DNAH7: variants seen among roughly 807,000 people sequenced by gnomAD.
The protein encoded by DNAH7 is dynein axonemal heavy chain 7.
DNAH7 carries 397 observed loss-of-function variants against 444.6 expected under a neutral mutation model. That is an observed-to-expected ratio of 0.89 (90% CI 0.82 to 0.97). DNAH7 has a LOEUF of 0.97. DNAH7 is among the 50% of genes least tolerant of loss of function. The probability of loss-of-function intolerance (pLI) is 0.00; values close to 1 mark genes in which losing one functional copy is unlikely to be tolerated. For synonymous variants in DNAH7, 1,636 were observed against 1,624.4 expected (o/e 1.01, Z -0.17); for missense variants, 4,902 against 4,800.8 (o/e 1.02, Z -0.62).
chr2:195,738,027 G>C lies in DNAH7; in HGVS notation c.11969C>G (p.Thr3990Ser). Residue 3990 changes from threonine (T) to serine (S), a missense_variant, in exon 65 of 65, where the codon ACT becomes AGT. Transcript: ENST00000312428. ...AATCACAAAATTCGTGGAATGGCCA[G>C]TGGTGGATAATACTCCTCTCCGCTC... ...TSERRGVLSTTGHSTNFVIAM... is the reference protein window; with the variant it reads ...TSERRGVLSTSGHSTNFVIAM... 1 of 1,614,060 alleles carries C rather than the reference G, an allele frequency of 6.2e-7. No individual in the cohort carries two copies. Among genetic ancestry groups the C allele is most frequent in the South Asian group, 1.1e-5 (1 of 91,084 alleles).
At chr2:195,921,057 A>C (rs547091171) in intron 24 of DNAH7, among the ~76,000 whole-genome samples, 1 of 152,342 alleles carries the variant, frequency 6.6e-6, no homozygotes, top group South Asian at 2.1e-4. Flanking sequence ...TTAAAAATAA[A>C]AAAATAGATG....
chr2:195,787,201 T>C, intron 57 of DNAH7, 30 bp from the exon 58 acceptor site: 1 of 1,564,644 alleles, frequency 6.4e-7, no homozygotes, highest in Non-Finnish European at 8.6e-7. Context: ...TGCCGCATCA[T>C]TATTTTCTCC....
chr2:195,987,997 T>C lies in DNAH7; in HGVS notation c.1586A>G (p.Tyr529Cys), dbSNP rs766594101. 2.5e-6 allele frequency: 4 copies of C among 1,612,664 alleles called. No homozygotes were observed. Among genetic ancestry groups the C allele is most frequent in the South Asian group, 2.2e-5 (2 of 90,946 alleles). The change falls in exon 13 of 65, where the codon TAC (tyrosine) becomes TGC (cysteine). Residue 529 changes from tyrosine to cysteine, a missense_variant. Physicochemically the swap from Tyr to Cys is radical, Grantham distance 194. Transcript: ENST00000312428. ...YEKIIDEICK[Y>C]QKLIEEIQYT... is the part of the protein sequence containing the mutation. ...CTGTATTTCCTCTATTAGTTTCTGG[T>C]ATTTGCAAATTTCATCTATTATTTT...
intron 47 of DNAH7, among the ~76,000 whole-genome samples, chr2:195,834,789 C>A (rs1297487656): frequency 6.6e-6 from 1 of 152,112 alleles, no homozygotes; most frequent in Admixed American, 6.5e-5. Context: ...CACCTGCTGT[C>A]ATTTGTATAA....
chr2:196,025,877 T>C (rs1469640480), intron 7 of DNAH7, among the ~76,000 whole-genome samples: 1 of 152,292 alleles, frequency 6.6e-6, no homozygotes, highest in East Asian at 1.9e-4. Context: ...TCTCCAATTT[T>C]GAACACAGCA....
chr2:195,891,878 C>T, intron 30 of DNAH7, 74 bp from the exon 31 acceptor site: 2 of 1,213,612 alleles, frequency 1.6e-6, no homozygotes, highest in Non-Finnish European at 2.2e-6. Context: ...ATTGCACATA[C>T]AGAAAATCCT....
rs1478601108 is a variant in DNAH7 at position 195,864,812 on chromosome 2, G to A, written c.6843C>T (p.Thr2281=). ...CCACATCTGCGATTTCTCTGTAGTT[G>A]GTATCCTCCCTCTTGGGATCATGGA... ...CDFHDPKRED[T]NYREIADVDN... Residue 2281 remains threonine, a synonymous_variant, in exon 41 of 65, where the codon ACC becomes ACT. Coordinates refer to ENST00000312428, the MANE Select transcript of DNAH7 (RefSeq NM_018897.3). The A allele has an allele frequency of 6.2e-7, 1 of 1,614,100 alleles. No individual in the cohort carries two copies. Among genetic ancestry groups the A allele is most frequent in the Admixed American group, 1.7e-5 (1 of 60,014 alleles).
chr2:195,754,376 C>T lies in DNAH7; in HGVS notation c.11725G>A (p.Val3909Met). The change falls in exon 63 of 65, where the codon GTG becomes ATG. Residue 3909 changes from valine to methionine, a missense_variant. Transcript: ENST00000312428. ...PIDLLGFDYEVMEDKEYKHPP... is the reference protein window; with the variant it reads ...PIDLLGFDYEMMEDKEYKHPP... Reference sequence around the variant, plus strand: ...TGCTTGTATTCTTTGTCTTCCATCACTTCATAGTCAAACCCAAGAAGATCA... The same window carrying T: ...TGCTTGTATTCTTTGTCTTCCATCATTTCATAGTCAAACCCAAGAAGATCA... 1 of 1,614,030 alleles carries T rather than the reference C, an allele frequency of 6.2e-7. No individual in the cohort carries two copies. Among genetic ancestry groups the T allele is most frequent in the Middle Eastern group, 1.7e-4 (1 of 6,060 alleles).
Position 196,021,649 on chromosome 2 carries a change from G to A in DNAH7, c.744-2354C>T, listed in dbSNP as rs115797739. 2.7e-3 allele frequency among the ~76,000 whole-genome samples: 405 copies of A among 150,442 alleles called. 2 individuals carry two copies. The highest frequency in any genetic ancestry group is 8.7e-3 in the African/African-American group (356 of 40,940). ...AGCCTGGGCAACATAGGGAGATTGC[G>A]TCTCTAAAAAAAAAAAAATTAAATT... On this transcript the variant is annotated intron_variant, in intron 8 of 64. Transcript: ENST00000312428.
In DNAH7 at chr2:195,740,636, TATATATATACATATACACACAC is replaced by T. The variant is rs1360732610; in HGVS notation, c.11868+108_11868+129del. Reference sequence around the variant, plus strand: ...GTGTGTATATATATATATATATATATATATATATACATATACACACACACATATGTATACACATATATACACA... The same window carrying T: ...GTGTGTATATATATATATATATATATACATATGTATACACATATATACACA... On this transcript the variant is annotated intron_variant, in intron 64 of 64. Coordinates refer to ENST00000312428, the MANE Select transcript of DNAH7 (RefSeq NM_018897.3). 3.4e-3 allele frequency: 339 copies of T among 98,910 alleles called. 6 individuals are homozygous for T. The highest frequency in any genetic ancestry group is 0.02 in the African/African-American group (314 of 15,702). The allele number at this position is 98,910 out of a possible 1,614,324, so 6.1% of individuals were successfully genotyped here.
At chr2:195,801,444 AC>A (rs1374761715) in intron 54 of DNAH7, among the ~76,000 whole-genome samples, 1 of 152,188 alleles carries the variant, frequency 6.6e-6, no homozygotes, top group African/African-American at 2.4e-5. Flanking sequence ...ACAAGGGGCT[AC>A]AAAAGCATAC....
rs188277549 is a variant in DNAH7 at position 195,926,202 on chromosome 2, G to A, written c.3612+224C>T. The stretch of plus-strand genomic sequence containing the variant: ...CAAGTATCATTGACTTTTATATACC[G>A]TGAATAAACATGATTTAAACATAAA... On this transcript the variant is annotated intron_variant, in intron 22 of 64. Transcript: ENST00000312428. Among the ~76,000 whole-genome samples, 1,272 of 151,878 alleles carry A rather than the reference G, an allele frequency of 8.4e-3. 13 individuals are homozygous for A. The highest frequency in any genetic ancestry group is 0.024 in the South Asian group (116 of 4,798).
At chr2:195,832,579 A>G (rs965747216) in intron 48 of DNAH7, among the ~76,000 whole-genome samples, 4 of 151,852 alleles carry the variant, frequency 2.6e-5, no homozygotes, top group Admixed American at 2.6e-4. Flanking sequence ...AGTAGCTGGG[A>G]CCACAGGCAC....
At chr2:195,831,519 A>C (rs1405082954) in intron 48 of DNAH7, among the ~76,000 whole-genome samples, 1 of 152,242 alleles carries the variant, frequency 6.6e-6, no homozygotes, top group Non-Finnish European at 1.5e-5. Flanking sequence ...GTAAATGTAT[A>C]ACAGTAACCA....
intron 10 of DNAH7, among the ~76,000 whole-genome samples, chr2:196,007,076 A>G (rs1383978701): frequency 6.6e-6 from 1 of 152,212 alleles, no homozygotes; most frequent in Non-Finnish European, 1.5e-5. Context: ...CATTTTTTAA[A>G]AAATGGACAA....
chr2:195,819,824 G>T (rs1697375086), intron 49 of DNAH7, among the ~76,000 whole-genome samples: 1 of 152,180 alleles, frequency 6.6e-6, no homozygotes, highest in Admixed American at 6.5e-5. Context: ...TTCAACCTTG[G>T]ATGCTGATTG....
At chr2:195,837,577 A>G (rs1698438335) in intron 47 of DNAH7, among the ~76,000 whole-genome samples, 1 of 152,150 alleles carries the variant, frequency 6.6e-6, no homozygotes, top group African/African-American at 2.4e-5. Flanking sequence ...GGTAGCAATA[A>G]CTCAAAATAA....
At chr2:196,049,258 C>T (rs889912970) in intron 3 of DNAH7, among the ~76,000 whole-genome samples, 2 of 152,166 alleles carry the variant, frequency 1.3e-5, no homozygotes, top group South Asian at 4.1e-4. Flanking sequence ...TACACAAGTC[C>T]TTATTTTAGT....
chr2:195,840,285 A>C (rs963373203), intron 47 of DNAH7, among the ~76,000 whole-genome samples: 8 of 151,894 alleles, frequency 5.3e-5, no homozygotes, highest in African/African-American at 1.9e-4. Context: ...ACGCAGAAAA[A>C]ACATTTCACA....
Sources: allele counts gnomAD v4.1 joint callset (sites outside exome capture counted in the v4.1 genomes callset), GRCh38; gene constraint gnomAD v4.1.1; transcripts MANE v1.5; gene names NCBI Gene and HGNC (gene_info 2026-07-23, HGNC 2026-07-21).